The following CTIF variants were observed in gnomAD, a reference collection of about 807,000 sequenced individuals.
CTIF encodes CBP80/20-dependent translation initiation factor.
CTIF carries 21 observed loss-of-function variants against 66.0 expected under a neutral mutation model. The observed-to-expected ratio is 0.32, with a 90% confidence interval of 0.23 to 0.46. The LOEUF is 0.46. Ranked by LOEUF, CTIF falls within the 20% of genes least tolerant of loss-of-function variation. CTIF has a pLI of 1.00. For synonymous variants in CTIF, 345 were observed against 326.4 expected (o/e 1.06, Z -0.62); for missense variants, 739 against 812.7 (o/e 0.91, Z 1.10).
At chr18:48,682,743 T>C (rs1196465208) in intron 6 of CTIF, among the ~76,000 whole-genome samples, 1 of 152,148 alleles carries the variant, frequency 6.6e-6, no homozygotes, top group Non-Finnish European at 1.5e-5. Context: ...GACAACATGG[T>C]CCCCCAGACT....
At chr18:48,556,736 T>C (rs754964146) in intron 1 of CTIF, among the ~76,000 whole-genome samples, 1 of 152,300 alleles carries the variant, frequency 6.6e-6, no homozygotes, top group Non-Finnish European at 1.5e-5. Flanking sequence ...GGCTAATTTT[T>C]GTATTTTTGG....
At chr18:48,699,885 T>A (rs1373734120) in intron 6 of CTIF, among the ~76,000 whole-genome samples, 1 of 152,264 alleles carries the variant, frequency 6.6e-6, no homozygotes, top group East Asian at 1.9e-4. Flanking sequence ...AAACGTTTGA[T>A]GCCTGATCTC....
At chr18:48,831,850 T>C (rs1427912632) in intron 10 of CTIF, among the ~76,000 whole-genome samples, 1 of 152,206 alleles carries the variant, frequency 6.6e-6, no homozygotes, top group Non-Finnish European at 1.5e-5. Context: ...GTCTTTGAAA[T>C]CCAGTCTGTA....
intron 9 of CTIF, among the ~76,000 whole-genome samples, chr18:48,764,540 T>C (rs948925943): frequency 2.0e-5 from 3 of 152,062 alleles, no homozygotes; most frequent in African/African-American, 4.8e-5. Flanking sequence ...AGGAAGGCGC[T>C]GGAAGCCTCC....
intron 9 of CTIF, among the ~76,000 whole-genome samples, chr18:48,777,014 A>G (rs1293750206): frequency 2.6e-5 from 4 of 152,218 alleles, no homozygotes; most frequent in Non-Finnish European, 5.9e-5. Flanking sequence ...CATTCCTTCC[A>G]GCTTTGTTAT....
At chr18:48,746,097 G>A (rs2092594096) in intron 7 of CTIF, among the ~76,000 whole-genome samples, 1 of 152,246 alleles carries the variant, frequency 6.6e-6, no homozygotes, top group African/African-American at 2.4e-5. Context: ...TCTCCGCCAA[G>A]AGCCTGGAGG....
chr18:48,648,888 G>A, intron 3 of CTIF, among the ~76,000 whole-genome samples: 1 of 152,356 alleles, frequency 6.6e-6, no homozygotes, highest in East Asian at 1.9e-4. Flanking sequence ...GGGAGGCTGA[G>A]GCGGGTGGAT....
chr18:48,607,110 C>A (rs1187395615), intron 1 of CTIF, among the ~76,000 whole-genome samples: 1 of 152,182 alleles, frequency 6.6e-6, no homozygotes, highest in Non-Finnish European at 1.5e-5. Flanking sequence ...GGTCAAAGGG[C>A]AGCTGCCTTT....
At chr18:48,738,426 A>C (rs956064416) in intron 7 of CTIF, among the ~76,000 whole-genome samples, 7 of 152,008 alleles carry the variant, frequency 4.6e-5, no homozygotes, top group African/African-American at 1.7e-4. Flanking sequence ...TCTAGCTCTC[A>C]CCACCTCTCT....
intron 10 of CTIF, among the ~76,000 whole-genome samples, chr18:48,855,053 C>T (rs2069295902): frequency 6.6e-6 from 1 of 152,248 alleles, no homozygotes; most frequent in Non-Finnish European, 1.5e-5. Flanking sequence ...AGGGCCTGGT[C>T]TGTCTTGTTC....
chr18:48,838,818 T>G (rs543137962), intron 10 of CTIF, among the ~76,000 whole-genome samples: 1 of 152,304 alleles, frequency 6.6e-6, no homozygotes, highest in South Asian at 2.1e-4. Flanking sequence ...AAGCCTGTGT[T>G]GGTCACAGGC....
At chr18:48,610,399 GC>G (rs2090285053) in intron 1 of CTIF, among the ~76,000 whole-genome samples, 1 of 112,730 alleles carries the variant, frequency 8.9e-6, no homozygotes, top group African/African-American at 5.9e-5. Flanking sequence ...CCACCTGGAT[GC>G]CCACCTGGAT....
chr18:48,762,610 T>A (rs1909117583), intron 9 of CTIF, among the ~76,000 whole-genome samples: 1 of 152,140 alleles, frequency 6.6e-6, no homozygotes, highest in African/African-American at 2.4e-5. Context: ...CTGGTCCAGA[T>A]GAGATAAAAT....
chr18:48,552,539 T>G (rs2145549115), intron 1 of CTIF, among the ~76,000 whole-genome samples: 1 of 152,330 alleles, frequency 6.6e-6, no homozygotes, highest in South Asian at 2.1e-4. Context: ...GTCTCACTGC[T>G]TCTTTTCATG....
At chr18:48,714,037 G>C (rs1215742167) in intron 7 of CTIF, among the ~76,000 whole-genome samples, 3 of 152,146 alleles carry the variant, frequency 2.0e-5, no homozygotes, top group African/African-American at 7.2e-5. Flanking sequence ...CAGCCATATA[G>C]TTTAAGGACC....
At chr18:48,695,053 ATCT>A (rs1209797897) in intron 6 of CTIF, among the ~76,000 whole-genome samples, 5 of 152,350 alleles carry the variant, frequency 3.3e-5, no homozygotes, top group South Asian at 2.1e-4. Flanking sequence ...GAGATCTATT[ATCT>A]TCTTCTGGTA....
intron 7 of CTIF, among the ~76,000 whole-genome samples, chr18:48,738,925 G>A (rs1443528255): frequency 2.0e-5 from 3 of 152,176 alleles, no homozygotes; most frequent in African/African-American, 2.4e-5. Flanking sequence ...TCAGCACCTC[G>A]CTTAGGGACC....
chr18:48,681,933 G>A lies in CTIF; in HGVS notation c.507+11189G>A, dbSNP rs538015107. Among the ~76,000 whole-genome samples, 13 of 152,140 alleles carry A rather than the reference G, an allele frequency of 8.5e-5. No individual in the cohort carries two copies. The South Asian group carries it at 1.7e-3, about 19-fold the overall frequency. Reference sequence around the variant, plus strand: ...CCCAAGTAGCTAGGATTACAGGCGCGTGCCACCACACCCGGCTAATTTTTA... The same window carrying A: ...CCCAAGTAGCTAGGATTACAGGCGCATGCCACCACACCCGGCTAATTTTTA... On this transcript the variant is annotated intron_variant, in intron 6 of 11. Transcript: ENST00000256413.
At chr18:48,561,235 C>CAAA (rs36056519) in intron 1 of CTIF, among the ~76,000 whole-genome samples, 3,659 of 91,644 alleles carry the variant, frequency 0.04, 214 homozygotes, top group Non-Finnish European at 0.048. Context: ...GACTCTGTCT[C>CAAA]AAAAAAAAAA....
Sources: gnomAD v4.1 joint callset for allele counts (sites outside exome capture counted in the v4.1 genomes callset) on GRCh38, gnomAD v4.1.1 for gene constraint, MANE v1.5 for transcripts, NCBI Gene and HGNC (gene_info 2026-07-23, HGNC 2026-07-21) for gene names.